XKR6: variants seen among roughly 807,000 people sequenced by gnomAD.
XKR6 encodes the protein XK related 6, also known as XK-related protein 6.
In XKR6, 22 loss-of-function variants were observed where a neutral mutation model predicts 56.7. That is an observed-to-expected ratio of 0.39 (90% CI 0.28 to 0.55). The LOEUF is 0.55. XKR6 is among the 20% of genes least tolerant of loss of function. XKR6 has a pLI of 0.66. For missense variants in XKR6, 852 were observed against 889.0 expected (o/e 0.96, Z 0.53); for synonymous variants, 524 against 387.8 (o/e 1.35, Z -4.13).
At chr8:11,001,058 G>A (rs369076111) in intron 1 of XKR6, among the ~76,000 whole-genome samples, 3 of 152,206 alleles carry the variant, frequency 2.0e-5, no homozygotes, top group East Asian at 1.9e-4. Context: ...ATTTAGGAGC[G>A]AAAATGCAGA....
chr8:11,197,214 T>C (rs772636580), intron 1 of XKR6, among the ~76,000 whole-genome samples: 1 of 152,190 alleles, frequency 6.6e-6, no homozygotes, highest in South Asian at 2.1e-4. Context: ...TACTCTGAAA[T>C]AGAAGGGTGC....
chr8:11,119,936 A>G (rs1348836473), intron 1 of XKR6, among the ~76,000 whole-genome samples: 3 of 152,230 alleles, frequency 2.0e-5, no homozygotes, highest in African/African-American at 7.2e-5. Flanking sequence ...GACAAAAACC[A>G]CATGATTATC....
intron 1 of XKR6, among the ~76,000 whole-genome samples, chr8:11,006,414 T>G (rs1296433878): frequency 6.6e-6 from 1 of 152,196 alleles, no homozygotes; most frequent in Non-Finnish European, 1.5e-5. Flanking sequence ...TCCCTTATCG[T>G]ATGTTGCATG....
At chr8:10,911,944 T>C (rs1268043640) in intron 2 of XKR6, among the ~76,000 whole-genome samples, 1 of 148,582 alleles carries the variant, frequency 6.7e-6, no homozygotes. Context: ...TACATATATG[T>C]AGAGAGAGAG....
At chr8:10,921,934 T>A (rs184532252) in intron 2 of XKR6, among the ~76,000 whole-genome samples, 126 of 152,272 alleles carry the variant, frequency 8.3e-4, no homozygotes, top group Admixed American at 3.6e-3. Context: ...CTTTGAGAGG[T>A]GATCAGGCCA....
chr8:10,918,474 G>A (rs1356868958), intron 2 of XKR6, among the ~76,000 whole-genome samples: 4 of 152,188 alleles, frequency 2.6e-5, no homozygotes, highest in Non-Finnish European at 5.9e-5. Context: ...GCCCAGCTTG[G>A]CCATGGCACA....
chr8:10,984,720 C>CTATATGTATATATA (rs1212342415), intron 1 of XKR6, among the ~76,000 whole-genome samples: 10 of 83,234 alleles, frequency 1.2e-4, no homozygotes, highest in African/African-American at 4.8e-4. Context: ...CTCTCTCTCT[C>CTATATGTATATATA]TCTCTCTCTC....
At chr8:10,977,929 A>C (rs138884841) in intron 1 of XKR6, among the ~76,000 whole-genome samples, 39 of 152,232 alleles carry the variant, frequency 2.6e-4, no homozygotes, top group African/African-American at 8.9e-4. Context: ...GATACAGGCG[A>C]TGACTCCAGA....
In XKR6 at chr8:11,094,680, A is replaced by C. The variant is rs150842265; in HGVS notation, c.764+105896T>G. ...ATGGAGTGGTTACTAGCAGCCAGAC[A>C]CTAGGCAGATGACCACACCTATCAT... On this transcript the variant is annotated intron_variant, in intron 1 of 2. Transcript: ENST00000416569. 2.8e-3 allele frequency among the ~76,000 whole-genome samples: 429 copies of C among 152,266 alleles called. 3 individuals are homozygous for C. The highest frequency in any genetic ancestry group is 0.01 in the African/African-American group (419 of 41,548).
chr8:10,997,220 C>A (rs1383504726), intron 1 of XKR6, among the ~76,000 whole-genome samples: 1 of 152,180 alleles, frequency 6.6e-6, no homozygotes, highest in Non-Finnish European at 1.5e-5. Context: ...CAAGTTCATG[C>A]CAGCCACCAT....
At chr8:11,092,810 T>C (rs897187635) in intron 1 of XKR6, among the ~76,000 whole-genome samples, 3 of 152,184 alleles carry the variant, frequency 2.0e-5, no homozygotes, top group African/African-American at 4.8e-5. Context: ...AATAGGTTTC[T>C]CGCCATGGAA....
intron 1 of XKR6, among the ~76,000 whole-genome samples, chr8:11,054,240 G>A (rs1799625301): frequency 6.6e-6 from 1 of 152,164 alleles, no homozygotes; most frequent in Admixed American, 6.5e-5. Flanking sequence ...TTGTTCCAAA[G>A]CAAGCCACAT....
At chr8:11,096,629 C>G (rs569840576) in intron 1 of XKR6, among the ~76,000 whole-genome samples, 2 of 152,188 alleles carry the variant, frequency 1.3e-5, no homozygotes, top group Admixed American at 6.5e-5. Flanking sequence ...AGTCAAGCAG[C>G]CTTTTCCTGG....
chr8:10,956,026 T>C (rs1257352355), intron 1 of XKR6, among the ~76,000 whole-genome samples: 4 of 152,126 alleles, frequency 2.6e-5, no homozygotes, highest in African/African-American at 9.7e-5. Context: ...ACCCAGGTCT[T>C]CCCTTTACAA....
At chr8:10,977,133 G>T (rs1188164411) in intron 1 of XKR6, among the ~76,000 whole-genome samples, 1 of 152,166 alleles carries the variant, frequency 6.6e-6, no homozygotes, top group Non-Finnish European at 1.5e-5. Flanking sequence ...CGTCTCACAG[G>T]CACTCCCTTT....
At chr8:11,063,864 C>T (rs1799910736) in intron 1 of XKR6, among the ~76,000 whole-genome samples, 1 of 152,232 alleles carries the variant, frequency 6.6e-6, no homozygotes, top group Non-Finnish European at 1.5e-5. Flanking sequence ...CTACTCGACA[C>T]TGGGATTTAA....
intron 1 of XKR6, among the ~76,000 whole-genome samples, chr8:10,959,000 G>C (rs1801978756): frequency 6.6e-6 from 1 of 152,202 alleles, no homozygotes; most frequent in Non-Finnish European, 1.5e-5. Context: ...GGCTTAATCT[G>C]CCCACAGACC....
intron 1 of XKR6, among the ~76,000 whole-genome samples, chr8:10,979,764 G>A (rs553716365): frequency 3.3e-5 from 5 of 152,306 alleles, no homozygotes; most frequent in African/African-American, 9.6e-5. Context: ...CTCCGTAGGG[G>A]TTTTCTCTCA....
chr8:11,198,270 G>A (rs1474499720), intron 1 of XKR6, among the ~76,000 whole-genome samples: 1 of 152,144 alleles, frequency 6.6e-6, no homozygotes, highest in Non-Finnish European at 1.5e-5. Context: ...TGTTCCTGCA[G>A]TATTTCAAGC....
Sources: gnomAD v4.1 joint callset for allele counts (sites outside exome capture counted in the v4.1 genomes callset) on GRCh38, gnomAD v4.1.1 for gene constraint, MANE v1.5 for transcripts, NCBI Gene and HGNC (gene_info 2026-07-23, HGNC 2026-07-21) for gene names.